ITGA9: variants seen among roughly 807,000 people sequenced by gnomAD.
The protein encoded by ITGA9 is integrin subunit alpha 9.
A neutral mutation model predicts 127.8 loss-of-function variants in ITGA9; 56 were observed. The ratio of observed to expected loss-of-function variants is 0.44; its 90% confidence interval spans 0.35 to 0.55. ITGA9 has a LOEUF of 0.55. ITGA9 is among the 20% of genes least tolerant of loss of function. The probability of loss-of-function intolerance (pLI) is 0.00; values close to 1 mark genes in which losing one functional copy is unlikely to be tolerated. For synonymous variants in ITGA9, 508 were observed against 514.5 expected (o/e 0.99, Z 0.17); for missense variants, 1,196 against 1,347.1 (o/e 0.89, Z 1.76).
intron 15 of ITGA9, among the ~76,000 whole-genome samples, chr3:37,594,191 G>C (rs909581598): frequency 6.6e-6 from 1 of 152,212 alleles, no homozygotes; most frequent in African/African-American, 2.4e-5. Context: ...GGCTTTTCAC[G>C]TGGGGGTTGT....
At chr3:37,743,314 G>A (rs184401911) in intron 21 of ITGA9, among the ~76,000 whole-genome samples, 1 of 152,218 alleles carries the variant, frequency 6.6e-6, no homozygotes, top group Middle Eastern at 3.2e-3. Context: ...GTCAGTCAGA[G>A]CTTTGTTTCT....
chr3:37,481,971 C>A (rs935617452), intron 4 of ITGA9, among the ~76,000 whole-genome samples: 16 of 152,218 alleles, frequency 1.1e-4, no homozygotes, highest in Non-Finnish European at 2.4e-4. Flanking sequence ...GGGAAACTTA[C>A]CTTCTCTCTC....
Position 37,792,313 on chromosome 3 carries a change from G to A in ITGA9, c.2889+7235G>A, listed in dbSNP as rs143482279. 6.4e-3 allele frequency among the ~76,000 whole-genome samples: 978 copies of A among 152,294 alleles called. 7 individuals are homozygous for A. Among genetic ancestry groups the A allele is most frequent in the Middle Eastern group, 0.031 (9 of 294 alleles). ...ATGGGGAACAAAAGAGACATGATCC[G>A]TGCCCTCCCAGAGCTGGCCGAGGGG... On this transcript the variant is annotated intron_variant, in intron 26 of 27. Coordinates refer to ENST00000264741, the MANE Select transcript of ITGA9 (RefSeq NM_002207.3).
chr3:37,455,679 CTT>C (rs1342617306), intron 1 of ITGA9, among the ~76,000 whole-genome samples: 1 of 152,172 alleles, frequency 6.6e-6, no homozygotes, highest in South Asian at 2.1e-4. Flanking sequence ...AGAAATTATT[CTT>C]TGTTACTTAA....
At chr3:37,752,563 T>A (rs950499664) in intron 23 of ITGA9, among the ~76,000 whole-genome samples, 3 of 152,226 alleles carry the variant, frequency 2.0e-5, no homozygotes, top group Non-Finnish European at 4.4e-5. Context: ...TCTCCCTCTC[T>A]AACAGTGCCC....
intron 18 of ITGA9, among the ~76,000 whole-genome samples, chr3:37,729,524 G>A (rs1297299382): frequency 6.6e-6 from 1 of 152,050 alleles, no homozygotes; most frequent in Non-Finnish European, 1.5e-5. Flanking sequence ...CTAGCATTTG[G>A]GAATTAACAA....
intron 26 of ITGA9, among the ~76,000 whole-genome samples, chr3:37,792,292 G>A (rs1010107632): frequency 2.6e-5 from 4 of 152,210 alleles, no homozygotes; most frequent in African/African-American, 7.2e-5. Flanking sequence ...GACTCGATGG[G>A]GAACAAAAGA....
chr3:37,587,463 G>A (rs6550486), intron 15 of ITGA9, among the ~76,000 whole-genome samples: 96,285 of 152,008 alleles, frequency 0.63, 30,851 homozygotes, highest in East Asian at 0.74. Context: ...ATTGTTATCA[G>A]ATGGGAAGAT....
chr3:37,500,672 T>A, intron 5 of ITGA9, among the ~76,000 whole-genome samples: 1 of 152,240 alleles, frequency 6.6e-6, no homozygotes, highest in East Asian at 1.9e-4. Context: ...TCAGAAATTC[T>A]AAATCTCTGC....
intron 5 of ITGA9, 150 bp downstream of exon 5, chr3:37,494,718 G>A: frequency 4.1e-6 from 3 of 729,876 alleles, no homozygotes; most frequent in Non-Finnish European, 7.4e-6. Context: ...ACCAGAGGAG[G>A]CTATTTCTAC....
At chr3:37,727,776 AG>A (rs1696233286) in intron 18 of ITGA9, among the ~76,000 whole-genome samples, 1 of 152,210 alleles carries the variant, frequency 6.6e-6, no homozygotes, top group Non-Finnish European at 1.5e-5. Flanking sequence ...CTTTTTTCTA[AG>A]GGCTTCTCTT....
chr3:37,695,193 C>A (rs1034438030), intron 18 of ITGA9, among the ~76,000 whole-genome samples: 3 of 152,152 alleles, frequency 2.0e-5, no homozygotes, highest in African/African-American at 7.2e-5. Flanking sequence ...TGGTCCTAGG[C>A]ACTTTCCACC....
chr3:37,627,021 A>G (rs1575172515), intron 15 of ITGA9, among the ~76,000 whole-genome samples: 1 of 152,306 alleles, frequency 6.6e-6, no homozygotes, highest in East Asian at 1.9e-4. Flanking sequence ...GTCAGCGGGC[A>G]GGGAGGATCT....
chr3:37,648,037 A>G (rs1190671050), intron 16 of ITGA9, among the ~76,000 whole-genome samples: 2 of 152,186 alleles, frequency 1.3e-5, no homozygotes, highest in African/African-American at 4.8e-5. Context: ...TTGAGTATAT[A>G]CCCAGAAGAG....
intron 18 of ITGA9, among the ~76,000 whole-genome samples, chr3:37,707,391 G>T (rs1018377737): frequency 6.6e-6 from 1 of 152,176 alleles, no homozygotes; most frequent in Non-Finnish European, 1.5e-5. Context: ...AGACGTTTAT[G>T]AAACACCTCC....
chr3:37,605,800 C>T (rs1699962869), intron 15 of ITGA9, among the ~76,000 whole-genome samples: 1 of 152,192 alleles, frequency 6.6e-6, no homozygotes, highest in Non-Finnish European at 1.5e-5. Flanking sequence ...TTACTGCCAT[C>T]AGTGTCTCTC....
chr3:37,735,330 C>G (rs1166734694), intron 19 of ITGA9, among the ~76,000 whole-genome samples: 2 of 152,118 alleles, frequency 1.3e-5, no homozygotes, highest in Non-Finnish European at 2.9e-5. Context: ...CCATGCCTGC[C>G]CCCCACCCCA....
intron 15 of ITGA9, among the ~76,000 whole-genome samples, chr3:37,599,301 G>T (rs1699895783): frequency 6.6e-6 from 1 of 152,222 alleles, no homozygotes; most frequent in Non-Finnish European, 1.5e-5. Context: ...TCACTCATGT[G>T]TTAGGGTTCA....
chr3:37,734,256 C>A (rs1232805176), intron 19 of ITGA9, among the ~76,000 whole-genome samples: 1 of 152,194 alleles, frequency 6.6e-6, no homozygotes, highest in Non-Finnish European at 1.5e-5. Context: ...CCATTAGACT[C>A]CAGGTAGGGT....
Sources: gnomAD v4.1 joint callset for allele counts (sites outside exome capture counted in the v4.1 genomes callset) on GRCh38, gnomAD v4.1.1 for gene constraint, MANE v1.5 for transcripts, NCBI Gene and HGNC (gene_info 2026-07-23, HGNC 2026-07-21) for gene names.